Variants in EXOC4 observed in about 807,000 individuals in gnomAD.
The protein encoded by EXOC4 is exocyst complex component 4.
A neutral mutation model predicts 107.2 loss-of-function variants in EXOC4; 71 were observed. That is an observed-to-expected ratio of 0.66 (90% CI 0.55 to 0.81). The LOEUF (loss-of-function observed/expected upper bound fraction) is 0.81. EXOC4 is among the 30% of genes least tolerant of loss of function. EXOC4 has a pLI of 0.00. For missense variants in EXOC4, 1,108 were observed against 1,189.6 expected (o/e 0.93, Z 1.01); for synonymous variants, 456 against 441.2 (o/e 1.03, Z -0.42).
At chr7:133,386,827 T>TG (rs997333028) in intron 7 of EXOC4, among the ~76,000 whole-genome samples, 4 of 151,314 alleles carry the variant, frequency 2.6e-5, no homozygotes, top group Non-Finnish European at 4.4e-5. Flanking sequence ...AAAGGAGAGT[T>TG]TTTTTTTTTG....
intron 5 of EXOC4, among the ~76,000 whole-genome samples, chr7:133,347,129 A>G (rs1795800354): frequency 6.6e-6 from 1 of 152,176 alleles, no homozygotes; most frequent in African/African-American, 2.4e-5. Flanking sequence ...TTAACTGTAT[A>G]AATAGTCTAT....
At chr7:133,991,817 G>T (rs1489111044) in intron 14 of EXOC4, among the ~76,000 whole-genome samples, 1 of 152,040 alleles carries the variant, frequency 6.6e-6, no homozygotes, top group Non-Finnish European at 1.5e-5. Flanking sequence ...CTATGTGTCT[G>T]TTTTTTATGC....
At chr7:133,594,777 C>T (rs912184440) in intron 9 of EXOC4, among the ~76,000 whole-genome samples, 1 of 152,082 alleles carries the variant, frequency 6.6e-6, no homozygotes, top group Non-Finnish European at 1.5e-5. Context: ...CAGGCATGTA[C>T]CAGTGCTCCC....
At chr7:133,453,409 T>C (rs1798392010) in intron 7 of EXOC4, among the ~76,000 whole-genome samples, 1 of 152,190 alleles carries the variant, frequency 6.6e-6, no homozygotes, top group Non-Finnish European at 1.5e-5. Flanking sequence ...ATCTTACATT[T>C]TCTCTCTATA....
intron 9 of EXOC4, among the ~76,000 whole-genome samples, chr7:133,557,139 A>C (rs1800707486): frequency 6.6e-6 from 1 of 152,132 alleles, no homozygotes; most frequent in African/African-American, 2.4e-5. Flanking sequence ...GGAGACAGGT[A>C]CCCTTTTCTT....
chr7:133,650,488 G>T (rs1439381591), intron 10 of EXOC4, among the ~76,000 whole-genome samples: 1 of 151,960 alleles, frequency 6.6e-6, no homozygotes, highest in East Asian at 1.9e-4. Flanking sequence ...AAATTGGTGG[G>T]TTTTTTTAAA....
chr7:133,513,477 C>A (rs1264902445), intron 9 of EXOC4, among the ~76,000 whole-genome samples: 1 of 152,188 alleles, frequency 6.6e-6, no homozygotes, highest in East Asian at 1.9e-4. Flanking sequence ...ACATGATACA[C>A]CTTTTATTGA....
At chr7:133,756,056 G>A (rs1340486027) in intron 10 of EXOC4, among the ~76,000 whole-genome samples, 1 of 152,094 alleles carries the variant, frequency 6.6e-6, no homozygotes, top group Non-Finnish European at 1.5e-5. Flanking sequence ...ATACCCTCCA[G>A]CTCTTTTCCT....
intron 10 of EXOC4, among the ~76,000 whole-genome samples, chr7:133,784,179 TATC>T (rs1335537766): frequency 6.6e-6 from 1 of 152,174 alleles, no homozygotes; most frequent in Non-Finnish European, 1.5e-5. Flanking sequence ...TTTTTTTCTT[TATC>T]ATCATCTCTT....
At chr7:134,069,402 A>C (rs1409688989), downstream of EXOC4, among the ~76,000 whole-genome samples, 192 of 66,748 alleles carry the variant, frequency 2.9e-3, no homozygotes, top group African/African-American at 4.2e-3. Flanking sequence ...TTCTCCCCCT[A>C]CTTCTCCTTC....
intron 10 of EXOC4, among the ~76,000 whole-genome samples, chr7:133,655,495 G>A (rs10263870): frequency 0.1 from 15,464 of 152,028 alleles, 962 homozygotes; most frequent in African/African-American, 0.17. Context: ...CACATTGTAC[G>A]GTGGTACAAA....
At chr7:133,632,307 C>T (rs1010252103) in intron 10 of EXOC4, among the ~76,000 whole-genome samples, 2 of 152,070 alleles carry the variant, frequency 1.3e-5, no homozygotes, top group African/African-American at 2.4e-5. Flanking sequence ...TGATTAAAAC[C>T]GGAAAAAGTT....
chr7:133,776,544 T>C (rs1014656902), intron 10 of EXOC4, among the ~76,000 whole-genome samples: 1 of 152,172 alleles, frequency 6.6e-6, no homozygotes, highest in Admixed American at 6.5e-5. Flanking sequence ...AATGATGGGT[T>C]GGGATCCATT....
chr7:133,807,741 T>C (rs1797113410), intron 10 of EXOC4, among the ~76,000 whole-genome samples: 1 of 152,220 alleles, frequency 6.6e-6, no homozygotes, highest in Non-Finnish European at 1.5e-5. Flanking sequence ...ATGCAATCTT[T>C]GGTTTAAAAA....
At chr7:133,997,351 T>C (rs928905368) in intron 14 of EXOC4, 141 bp from the exon 15 acceptor site, 5 of 762,722 alleles carry the variant, frequency 6.6e-6, no homozygotes, top group Non-Finnish European at 1.1e-5. Flanking sequence ...AAATTGTCTA[T>C]CATGTCTTGG....
At chr7:134,084,503 C>T in the EXOC4 span, among the ~76,000 whole-genome samples, 26 of 152,046 alleles carry the variant, frequency 1.7e-4, no homozygotes, top group East Asian at 4.6e-3. Context: ...GAGAGAAGGT[C>T]CCAAGAGGCT....
chr7:133,734,113 G>T (rs1795388278), intron 10 of EXOC4, among the ~76,000 whole-genome samples: 1 of 152,126 alleles, frequency 6.6e-6, no homozygotes, highest in East Asian at 1.9e-4. Context: ...CCAACCACTA[G>T]ACAATAGCGC....
At chr7:133,674,853 C>T (rs1350090333) in intron 10 of EXOC4, among the ~76,000 whole-genome samples, 1 of 152,108 alleles carries the variant, frequency 6.6e-6, no homozygotes, top group African/African-American at 2.4e-5. Flanking sequence ...GGAGAAGTAA[C>T]CATCAAAGTT....
chr7:133,509,426 TA>T (rs76217297), intron 9 of EXOC4, among the ~76,000 whole-genome samples: 2,098 of 142,204 alleles, frequency 0.015, 29 homozygotes, highest in African/African-American at 0.041. Context: ...AGACTCCGTC[TA>T]AAAAAAAAAA....
Sources: allele counts gnomAD v4.1 joint callset (sites outside exome capture counted in the v4.1 genomes callset), GRCh38; gene constraint gnomAD v4.1.1; transcripts MANE v1.5; gene names NCBI Gene and HGNC (gene_info 2026-07-23, HGNC 2026-07-21).